PRKCB: variants seen among roughly 807,000 people sequenced by gnomAD.
The protein encoded by PRKCB is protein kinase C beta type.
In PRKCB, 13 loss-of-function variants were observed where a neutral mutation model predicts 81.5. The observed-to-expected ratio is 0.16, with a 90% CI of 0.10 to 0.25. The LOEUF (loss-of-function observed/expected upper bound fraction) is 0.25. Ranked by LOEUF, PRKCB falls within the 10% of genes least tolerant of loss-of-function variation. The pLI is 1.00. For missense variants in PRKCB, 509 were observed against 875.7 expected (o/e 0.58, Z 5.29); for synonymous variants, 335 against 321.4 (o/e 1.04, Z -0.45).
chr16:24,103,582 G>A (rs910987734), intron 7 of PRKCB, among the ~76,000 whole-genome samples: 3 of 152,098 alleles, frequency 2.0e-5, no homozygotes, highest in African/African-American at 7.2e-5. Flanking sequence ...TTAGATTCAC[G>A]GGATACATGT....
chr16:23,899,953 C>T (rs1963444215), intron 2 of PRKCB, among the ~76,000 whole-genome samples: 1 of 152,054 alleles, frequency 6.6e-6, no homozygotes, highest in African/African-American at 2.4e-5. Flanking sequence ...TCCCAAAGTG[C>T]AGGGATTACA....
intron 16 of PRKCB, 41 bp downstream of exon 16, chr16:24,191,271 C>G (rs768474652): frequency 5.0e-6 from 8 of 1,611,144 alleles, no homozygotes; most frequent in Non-Finnish European, 6.8e-6. Context: ...TATTCACACA[C>G]AAGGTATTCT....
At chr16:24,123,561 G>A (rs1290240250) in intron 8 of PRKCB, among the ~76,000 whole-genome samples, 4 of 152,182 alleles carry the variant, frequency 2.6e-5, no homozygotes, top group Non-Finnish European at 5.9e-5. Flanking sequence ...GGTAGTGATG[G>A]TTGAGATGGA....
At chr16:24,036,926 A>G (rs902571001) in intron 5 of PRKCB, among the ~76,000 whole-genome samples, 6 of 152,178 alleles carry the variant, frequency 3.9e-5, no homozygotes, top group African/African-American at 7.2e-5. Context: ...TATGGGCCGC[A>G]TGGGATGTGC....
chr16:23,902,856 T>C (rs139763256), intron 2 of PRKCB, among the ~76,000 whole-genome samples: 1,719 of 145,922 alleles, frequency 0.012, 36 homozygotes, highest in African/African-American at 0.041. Context: ...CAGTCTGGAG[T>C]GCAGTGTCAC....
At chr16:24,137,335 C>A (rs1379994020) in intron 9 of PRKCB, among the ~76,000 whole-genome samples, 26 of 151,386 alleles carry the variant, frequency 1.7e-4, no homozygotes, top group Non-Finnish European at 1.5e-5. Context: ...ACTACAAGTG[C>A]ATGCCATCGT....
At chr16:23,979,599 G>A (rs557274758) in intron 2 of PRKCB, among the ~76,000 whole-genome samples, 2 of 152,222 alleles carry the variant, frequency 1.3e-5, no homozygotes, top group South Asian at 4.2e-4. Context: ...AAAAGGTGTT[G>A]CGAAGGAAGA....
chr16:23,960,306 A>G (rs1344617855), intron 2 of PRKCB, among the ~76,000 whole-genome samples: 2 of 152,036 alleles, frequency 1.3e-5, no homozygotes, highest in East Asian at 1.9e-4. Flanking sequence ...TCTTCAGAAC[A>G]CTTCCACTTT....
chr16:23,836,568 C>T (rs1962162240), intron 1 of PRKCB, among the ~76,000 whole-genome samples: 2 of 152,090 alleles, frequency 1.3e-5, no homozygotes, highest in Middle Eastern at 3.2e-3. Context: ...CGCGGGGCGC[C>T]TCCTGCCCTC....
chr16:24,191,048 T>A, intron 15 of PRKCB, 42 bp from the exon 16 acceptor site: 1 of 1,600,628 alleles, frequency 6.2e-7, no homozygotes, highest in South Asian at 1.1e-5. Context: ...ACATTTCCTC[T>A]TCTGAAACTC....
In PRKCB at chr16:23,957,261, A is replaced by C. The variant is rs554045581; in HGVS notation, c.206-31247A>C. ...AAGAAAGTTTTAGGACATGTCAGGG[A>C]GTTTTTGTTCAAGGATTGAGATTCT... On this transcript the variant is annotated intron_variant, in intron 2 of 16. Coordinates refer to ENST00000643927, the MANE Select transcript of PRKCB (RefSeq NM_002738.7). Among the ~76,000 whole-genome samples the C allele has an allele frequency of 1.9e-4, 29 of 152,304 alleles. No individual in the cohort carries two copies. In the South Asian group the frequency reaches 5.8e-3, roughly 30 times the overall value.
At chr16:24,010,626 C>A (rs994858586) in intron 3 of PRKCB, among the ~76,000 whole-genome samples, 2 of 152,104 alleles carry the variant, frequency 1.3e-5, no homozygotes, top group Non-Finnish European at 2.9e-5. Context: ...GGGACATATC[C>A]TTAGTTAGGA....
chr16:23,969,020 A>G (rs1964523958), intron 2 of PRKCB, among the ~76,000 whole-genome samples: 1 of 152,138 alleles, frequency 6.6e-6, no homozygotes, highest in Admixed American at 6.5e-5. Flanking sequence ...AAATACAAAA[A>G]TTAGCTGGAT....
At chr16:24,096,658 A>AT (rs1966443409) in intron 7 of PRKCB, among the ~76,000 whole-genome samples, 1 of 39,222 alleles carries the variant, frequency 2.5e-5, no homozygotes, top group East Asian at 1.8e-3. Context: ...ATGGCAAAAA[A>AT]AAAAAAAAAT....
intron 2 of PRKCB, among the ~76,000 whole-genome samples, chr16:23,858,305 G>A (rs145297886): frequency 1.3e-5 from 1 of 75,564 alleles, no homozygotes; most frequent in African/African-American, 4.9e-5. Flanking sequence ...GTCCATTCGA[G>A]TCAGACTGTC....
intron 5 of PRKCB, among the ~76,000 whole-genome samples, chr16:24,077,056 A>G (rs889358160): frequency 1.3e-5 from 2 of 152,092 alleles, no homozygotes; most frequent in African/African-American, 4.8e-5. Flanking sequence ...ATAGCCTGGC[A>G]AGTAAACTTA....
intron 3 of PRKCB, among the ~76,000 whole-genome samples, chr16:24,026,970 C>T (rs1386265229): frequency 6.6e-6 from 1 of 152,168 alleles, no homozygotes; most frequent in Admixed American, 6.5e-5. Flanking sequence ...GCTTCTCCTA[C>T]AGGCCAATAC....
intron 8 of PRKCB, among the ~76,000 whole-genome samples, chr16:24,114,461 A>G (rs1187289310): frequency 2.6e-5 from 4 of 151,900 alleles, no homozygotes; most frequent in Non-Finnish European, 4.4e-5. Flanking sequence ...AGTTTTATCA[A>G]ATGGAAAGCC....
At chr16:24,185,670 C>T in intron 15 of PRKCB, 103 bp downstream of exon 15, 1 of 892,524 alleles carries the variant, frequency 1.1e-6, no homozygotes, top group Non-Finnish European at 1.8e-6. Flanking sequence ...AGCCTGAACT[C>T]CACCCTTCAC....
Sources: allele counts gnomAD v4.1 joint callset (sites outside exome capture counted in the v4.1 genomes callset), GRCh38; gene constraint gnomAD v4.1.1; transcripts MANE v1.5; gene names NCBI Gene and HGNC (gene_info 2026-07-23, HGNC 2026-07-21).